The following ERBB2 variants were observed in gnomAD, a reference collection of about 807,000 sequenced individuals.
The protein encoded by ERBB2 is erb-b2 receptor tyrosine kinase 2.
ERBB2 carries 61 observed loss-of-function variants against 149.0 expected under a neutral mutation model. That is an observed-to-expected ratio of 0.41 (90% CI 0.33 to 0.51). ERBB2 has a LOEUF of 0.51. Among genes scored for constraint, ERBB2 ranks in the 20% least tolerant of loss-of-function variants. The pLI is 0.25. For synonymous variants in ERBB2, 633 were observed against 678.8 expected, an observed-to-expected ratio of 0.93 and a Z score of 1.05; for missense variants, 1,205 against 1,655.1, an observed-to-expected ratio of 0.73 and a Z score of 4.72.
At chr17:39,712,110 C>T in intron 8 of ERBB2, 63 bp downstream of exon 8, 3 of 1,610,728 alleles carry the variant, frequency 1.9e-6, no homozygotes, top group Non-Finnish European at 2.5e-6. Flanking sequence ...GCAGCCTGGC[C>T]CAGCCCACCC....
chr17:39,713,875 G>A (rs2058962365), intron 9 of ERBB2, among the ~76,000 whole-genome samples: 1 of 151,830 alleles, frequency 6.6e-6, no homozygotes, highest in African/African-American at 2.4e-5. Context: ...GGGCAACATA[G>A]TGAGATCCCA....
upstream of ERBB2, among the ~76,000 whole-genome samples, chr17:39,691,484 C>T (rs957178339): frequency 4.7e-5 from 7 of 149,576 alleles, no homozygotes; most frequent in East Asian, 7.9e-4. Context: ...TTGGAGGTTG[C>T]AGTGAGCCTG....
At chr17:39,724,978 G>T in intron 20 of ERBB2, 67 bp downstream of exon 20, 1 of 1,608,220 alleles carries the variant, frequency 6.2e-7, no homozygotes, top group East Asian at 2.2e-5. Context: ...GGCTAGGATG[G>T]GGACTCTTGC....
intron 1 of ERBB2, 39 bp from the exon 2 acceptor site, chr17:39,706,951 C>A: frequency 6.7e-7 from 1 of 1,483,878 alleles, no homozygotes; most frequent in South Asian, 1.4e-5. Flanking sequence ...AGAAGGTCCC[C>A]CGCCAGTGTC....
chr17:39,694,253 A>ATGTG (rs1567888035), upstream of ERBB2, among the ~76,000 whole-genome samples: 72 of 28,206 alleles, frequency 2.6e-3, 3 homozygotes, highest in Non-Finnish European at 6.0e-3. Flanking sequence ...ATATATATAT[A>ATGTG]TATATATATA....
chr17:39,722,682 AG>A (rs950759001), intron 16 of ERBB2, among the ~76,000 whole-genome samples: 5 of 151,786 alleles, frequency 3.3e-5, no homozygotes, highest in African/African-American at 1.2e-4. Flanking sequence ...ATCAGGACGT[AG>A]CCCCTTGGTG....
Position 39,728,013 on chromosome 17 carries a change from C to T in ERBB2, c.3737C>T (p.Pro1246Leu), listed in dbSNP as rs375408471. The T allele has an allele frequency of 1.2e-6, 2 of 1,607,552 alleles. No homozygotes were observed. Among genetic ancestry groups the T allele is most frequent in the African/African-American group, 2.7e-5 (2 of 74,874 alleles). Residue 1246 changes from proline to leucine, a missense_variant, in exon 27 of 27, where the codon CCA becomes CTA. By Grantham distance (98) the Pro-to-Leu change is moderately conservative. Around this residue, in one of 6 missense-constraint regions of ERBB2, gnomAD observed 312 missense variants for 343.8 expected, o/e 0.91. Coordinates refer to ENST00000269571, the MANE Select transcript of ERBB2 (RefSeq NM_004448.4). The stretch of plus-strand genomic sequence containing the variant: ...AAAGGGACACCTACGGCAGAGAACC[C>T]AGAGTACCTGGGTCTGGACGTGCCA... ...TFKGTPTAEN[P>L]EYLGLDVPV is the part of the protein sequence containing the mutation.
intron 15 of ERBB2, among the ~76,000 whole-genome samples, 193 bp from the exon 16 acceptor site, chr17:39,719,594 G>A (rs571093507): frequency 1.4e-4 from 21 of 152,218 alleles, no homozygotes; most frequent in East Asian, 3.9e-4. Flanking sequence ...GGGGCATGCC[G>A]GTTCCTTGGC....
chr17:39,728,067 A>C lies in ERBB2; in HGVS notation c.*23A>C, dbSNP rs764649330. Reference sequence around the variant, plus strand: ...TGAACCAGAAGGCCAAGTCCGCAGAAGCCCTGATGTGTCCTCAGGGAGCAG... The same window carrying C: ...TGAACCAGAAGGCCAAGTCCGCAGACGCCCTGATGTGTCCTCAGGGAGCAG... On this transcript the variant is annotated 3_prime_UTR_variant, in exon 27 of 27. Coordinates refer to ENST00000269571, the MANE Select transcript of ERBB2 (RefSeq NM_004448.4). 6.6e-7 allele frequency: 1 copy of C among 1,514,478 alleles called. No individual in the cohort carries two copies. The highest frequency in any genetic ancestry group is 8.9e-7 in the Non-Finnish European group (1 of 1,117,882). 93.8% of individuals were successfully genotyped at this position (1,514,478 alleles called of 1,614,324 possible). A position where few individuals can be genotyped will look rare whatever the true frequency, so the allele number is the denominator to read the frequency against.
intron 4 of ERBB2, 148 bp from the exon 5 acceptor site, chr17:39,709,665 T>C (rs1370633812): frequency 1.1e-6 from 1 of 935,428 alleles, no homozygotes. Context: ...TGCCTCTGGT[T>C]TGGGGGCCTC....
rs1229646481 is a variant in ERBB2, at chr17:39,726,751, C to T, written c.2971-64C>T. On this transcript the variant is annotated intron_variant, in intron 24 of 26. Coordinates refer to ENST00000269571, the MANE Select transcript of ERBB2 (RefSeq NM_004448.4). This position sits in a 1 kb window ranked among gnomAD's most constrained non-coding sequence, Gnocchi z 5.1. ...AGAGATGAGTCCAGTATGCCAGGCC[C>T]CTCACGGAAGGCTGCATGCTGGGCT... is the stretch of plus-strand genomic sequence containing the variant. 1.3e-6 allele frequency: 2 copies of T among 1,591,980 alleles called. No homozygotes were observed. The highest frequency in any genetic ancestry group is 1.7e-6 in the Non-Finnish European group (2 of 1,160,180).
Position 39,725,476 on chromosome 17 carries a change from A to C in ERBB2, c.2725+74A>C. ...AGGGAGGATGAGAGCTGGGATGGGG[A>C]GAATTACGGGGCCACCTCAGCATGT... On this transcript the variant is annotated intron_variant, in intron 22 of 26. Transcript: ENST00000269571. The surrounding 1 kb of genome is among the most constrained non-coding windows in gnomAD (Gnocchi z 4.6). The C allele has an allele frequency of 1.3e-6, 2 of 1,482,860 alleles. No individual in the cohort carries two copies. Among genetic ancestry groups the C allele is most frequent in the Non-Finnish European group, 9.4e-7 (1 of 1,066,418 alleles). 91.9% of individuals were successfully genotyped at this position (1,482,860 alleles called of 1,614,324 possible). A position where few individuals can be genotyped will look rare whatever the true frequency, so the allele number is the denominator to read the frequency against.
chr17:39,722,920 T>C (rs1213786299), intron 16 of ERBB2, among the ~76,000 whole-genome samples: 1 of 152,100 alleles, frequency 6.6e-6, no homozygotes, highest in Non-Finnish European at 1.5e-5. Context: ...GACGGGGGTT[T>C]CACTATGTTG....
chr17:39,719,672 T>C (rs2059343034), intron 15 of ERBB2, 115 bp from the exon 16 acceptor site: 1 of 1,038,530 alleles, frequency 9.6e-7, no homozygotes. Flanking sequence ...TTTCTGCCTT[T>C]GTCAAATGGG....
rs2059557281 is a variant in ERBB2, at chr17:39,723,430, G to T, written c.2058G>T (p.Thr686=). The change falls in exon 17 of 27, where the codon ACG becomes ACT. Residue 686 remains threonine (T), a synonymous_variant. Transcript: ENST00000269571. The surrounding 1 kb of genome is among the most constrained non-coding windows in gnomAD (Gnocchi z 6.2). ...GGCAGCAGAAGATCCGGAAGTACACGATGCGGAGACTGCTGCAGGAAACGG... is the reference window on the plus strand; with the variant it reads ...GGCAGCAGAAGATCCGGAAGTACACTATGCGGAGACTGCTGCAGGAAACGG... ...KRRQQKIRKY[T]MRRLLQETEL... 1 of 1,614,054 alleles carries T rather than the reference G, an allele frequency of 6.2e-7. No individual in the cohort carries two copies. Among genetic ancestry groups the T allele is most frequent in the African/African-American group, 1.3e-5 (1 of 74,922 alleles).
In ERBB2 at chr17:39,707,018, G is replaced by A. The variant is rs369293607; in HGVS notation, c.102G>A (p.Arg34=). The A allele has an allele frequency of 6.3e-7, 1 of 1,597,954 alleles. No homozygotes were observed. Among genetic ancestry groups the A allele is most frequent in the African/African-American group, 1.3e-5 (1 of 74,272 alleles). Residue 34 remains arginine, a synonymous_variant, in exon 2 of 27, where the codon CGG becomes CGA. Transcript: ENST00000269571. ...QVCTGTDMKL[R]LPASPETHLD... ...GCACCGGCACAGACATGAAGCTGCG[G>A]CTCCCTGCCAGTCCCGAGACCCACC...
rs2145402917 is a variant in ERBB2 at position 39,706,983 on chromosome 17, C to T, written c.74-7C>T. The T allele has an allele frequency of 1.9e-6, 3 of 1,571,120 alleles. No individual in the cohort carries two copies. The South Asian group carries it at 3.6e-5, about 19-fold the overall frequency. ...TGTCCTCTGACCCATCTGCTCTCTCCTGCCAGTGTGCACCGGCACAGACAT... is the reference window on the plus strand; with the variant it reads ...TGTCCTCTGACCCATCTGCTCTCTCTTGCCAGTGTGCACCGGCACAGACAT... On this transcript the variant is annotated splice_polypyrimidine_tract_variant and splice_region_variant and intron_variant, in intron 1 of 26. Transcript: ENST00000269571.
At chr17:39,712,143 T>G in intron 8 of ERBB2, 96 bp downstream of exon 8, 1 of 1,582,172 alleles carries the variant, frequency 6.3e-7, no homozygotes, top group Non-Finnish European at 8.7e-7. Context: ...CCTCAGACCC[T>G]CTTGGGACCT....
chr17:39,700,392 G>C, intron 1 of ERBB2, 81 bp downstream of exon 1: 1 of 1,121,602 alleles, frequency 8.9e-7, no homozygotes, highest in Non-Finnish European at 1.1e-6. Flanking sequence ...GCGGCCGGCG[G>C]GGCCAGAGGG....
Sources: allele counts gnomAD v4.1 joint callset (sites outside exome capture counted in the v4.1 genomes callset), GRCh38; gene constraint gnomAD v4.1.1; regional missense constraint gnomAD v4.1.1; non-coding constraint Gnocchi (gnomAD v3.1); transcripts MANE v1.5; gene names NCBI Gene and HGNC (gene_info 2026-07-23, HGNC 2026-07-21).